MTUS2: variants seen among roughly 807,000 people sequenced by gnomAD.
MTUS2 encodes microtubule associated scaffold protein 2.
A neutral mutation model predicts 114.1 loss-of-function variants in MTUS2; 40 were observed. That is an observed-to-expected ratio of 0.35 (90% CI 0.27 to 0.46). The LOEUF (loss-of-function observed/expected upper bound fraction) is 0.46. MTUS2 is among the 20% of genes least tolerant of loss of function. MTUS2 has a pLI of 1.00. For synonymous variants in MTUS2, 688 were observed against 672.0 expected (o/e 1.02, Z -0.37); for missense variants, 1,679 against 1,705.4 (o/e 0.98, Z 0.27).
intron 2 of MTUS2, among the ~76,000 whole-genome samples, chr13:28,900,689 T>C (rs776151686): frequency 4.6e-5 from 7 of 152,184 alleles, no homozygotes; most frequent in Non-Finnish European, 8.8e-5. Flanking sequence ...ATCTAGGTGG[T>C]TTCTCGTTCT....
chr13:29,366,388 C>G (rs1289917052), intron 8 of MTUS2, among the ~76,000 whole-genome samples: 1 of 152,124 alleles, frequency 6.6e-6, no homozygotes, highest in Non-Finnish European at 1.5e-5. Context: ...TACCTCCCAC[C>G]AGGTCCCTCC....
At chr13:28,977,950 C>G (rs187161029) in intron 2 of MTUS2, among the ~76,000 whole-genome samples, 88 of 152,286 alleles carry the variant, frequency 5.8e-4, no homozygotes, top group African/African-American at 1.9e-3. Flanking sequence ...GTCTCTTTCC[C>G]GGACTACCAC....
At chr13:29,206,520 C>G (rs533789579) in intron 5 of MTUS2, among the ~76,000 whole-genome samples, 3 of 152,136 alleles carry the variant, frequency 2.0e-5, no homozygotes, top group African/African-American at 4.8e-5. Flanking sequence ...ATATTATCTT[C>G]TAGAATTTTT....
At chr13:29,051,922 G>A (rs1887915757) in intron 4 of MTUS2, among the ~76,000 whole-genome samples, 1 of 152,158 alleles carries the variant, frequency 6.6e-6, no homozygotes, top group Non-Finnish European at 1.5e-5. Flanking sequence ...TTCAGGAAAT[G>A]AGAATGATTC....
intron 2 of MTUS2, among the ~76,000 whole-genome samples, chr13:28,891,017 T>A (rs1878888875): frequency 6.6e-6 from 1 of 152,188 alleles, no homozygotes; most frequent in African/African-American, 2.4e-5. Flanking sequence ...TCCCAGAGTC[T>A]CCTCTTCATC....
intron 1 of MTUS2, among the ~76,000 whole-genome samples, chr13:28,828,081 C>A (rs1192317757): frequency 1.3e-5 from 2 of 152,160 alleles, no homozygotes; most frequent in Non-Finnish European, 2.9e-5. Context: ...TTATCCACAA[C>A]CGTAAAAGAC....
At chr13:29,072,671 G>T (rs572480528) in intron 4 of MTUS2, among the ~76,000 whole-genome samples, 1 of 152,232 alleles carries the variant, frequency 6.6e-6, no homozygotes, top group African/African-American at 2.4e-5. Flanking sequence ...AAAAAATATT[G>T]TTTCTTTTAA....
chr13:29,230,102 C>T (rs978447586), intron 5 of MTUS2, among the ~76,000 whole-genome samples: 10 of 151,964 alleles, frequency 6.6e-5, no homozygotes, highest in Non-Finnish European at 1.0e-4. Flanking sequence ...AAAAATTAGC[C>T]GGGCATGGTG....
At chr13:29,437,702 G>C (rs1877515969) in intron 8 of MTUS2, among the ~76,000 whole-genome samples, 1 of 152,158 alleles carries the variant, frequency 6.6e-6, no homozygotes, top group Non-Finnish European at 1.5e-5. Context: ...TCCCAGTACT[G>C]TGGCAGCCAC....
chr13:29,398,224 G>C (rs1198823876), intron 8 of MTUS2, among the ~76,000 whole-genome samples: 1 of 152,202 alleles, frequency 6.6e-6, no homozygotes, highest in Admixed American at 6.5e-5. Context: ...ACTTTGGGCG[G>C]CTGAGGCGGG....
chr13:29,101,932 T>A (rs1487014491), intron 5 of MTUS2, among the ~76,000 whole-genome samples: 1 of 152,246 alleles, frequency 6.6e-6, no homozygotes, highest in African/African-American at 2.4e-5. Flanking sequence ...TTCTAAATTT[T>A]GGTCTACCTA....
chr13:29,317,403 G>A (rs1245082778), intron 6 of MTUS2, among the ~76,000 whole-genome samples: 1 of 151,918 alleles, frequency 6.6e-6, no homozygotes, highest in Admixed American at 6.5e-5. Flanking sequence ...ACTCTCCTGA[G>A]TTCGCTTGTG....
At chr13:29,313,627 C>T (rs1487474697) in intron 6 of MTUS2, among the ~76,000 whole-genome samples, 2 of 151,980 alleles carry the variant, frequency 1.3e-5, no homozygotes, top group African/African-American at 4.8e-5. Context: ...ACAGAGAAAT[C>T]AGAGGAGAGG....
chr13:29,177,345 G>T (rs889875793), intron 5 of MTUS2, among the ~76,000 whole-genome samples: 1 of 150,258 alleles, frequency 6.7e-6, no homozygotes, highest in African/African-American at 2.5e-5. Flanking sequence ...AGATAAAATG[G>T]GTTCATAAAA....
intron 5 of MTUS2, among the ~76,000 whole-genome samples, chr13:29,150,826 T>C (rs1892635448): frequency 6.6e-6 from 1 of 152,186 alleles, no homozygotes; most frequent in Non-Finnish European, 1.5e-5. Flanking sequence ...TTTGTTGACT[T>C]TGTCAAAGAT....
At chr13:29,432,812 C>G (rs1877105201) in intron 8 of MTUS2, among the ~76,000 whole-genome samples, 1 of 152,224 alleles carries the variant, frequency 6.6e-6, no homozygotes, top group South Asian at 2.1e-4. Flanking sequence ...TATCTCTACC[C>G]TAGCCTTGAT....
intron 2 of MTUS2, among the ~76,000 whole-genome samples, chr13:28,984,287 C>T (rs921773447): frequency 6.6e-6 from 1 of 152,164 alleles, no homozygotes; most frequent in South Asian, 2.1e-4. Context: ...TTGAGAATCT[C>T]TTGGGAAAAA....
At chr13:28,883,512 C>T (rs1043593960) in intron 2 of MTUS2, among the ~76,000 whole-genome samples, 1 of 151,886 alleles carries the variant, frequency 6.6e-6, no homozygotes, top group African/African-American at 2.4e-5. Flanking sequence ...GATGGATCTC[C>T]AGGGAATTAT....
intron 7 of MTUS2, among the ~76,000 whole-genome samples, chr13:29,347,523 G>A (rs1868813796): frequency 7.0e-6 from 1 of 142,136 alleles, no homozygotes. Flanking sequence ...AACATACTTT[G>A]GATGATTAAA....
Sources: allele counts gnomAD v4.1 joint callset (sites outside exome capture counted in the v4.1 genomes callset), GRCh38; gene constraint gnomAD v4.1.1; transcripts MANE v1.5; gene names NCBI Gene and HGNC (gene_info 2026-07-23, HGNC 2026-07-21).